NALF1: variants seen among roughly 807,000 people sequenced by gnomAD.
NALF1 encodes NALCN channel auxiliary factor 1, also known as family with sequence similarity 155 member A.
A neutral mutation model predicts 48.4 loss-of-function variants in NALF1; 3 were observed. The ratio of observed to expected loss-of-function variants is 0.06; its 90% CI spans 0.03 to 0.16. The LOEUF is 0.16. NALF1 is among the 10% of genes least tolerant of loss of function. The pLI, the probability that NALF1 is intolerant of heterozygous loss-of-function variation, is 1.00. For synonymous variants in NALF1, 262 were observed against 245.7 expected (o/e 1.07, Z -0.62); for missense variants, 526 against 571.5 (o/e 0.92, Z 0.81).
chr13:107,518,034 T>C (rs556742219), intron 1 of NALF1, among the ~76,000 whole-genome samples: 3 of 152,106 alleles, frequency 2.0e-5, no homozygotes, highest in African/African-American at 7.2e-5. Context: ...AAACAACCCA[T>C]GAGTCCTGCA....
intron 1 of NALF1, among the ~76,000 whole-genome samples, chr13:107,410,952 T>G (rs550605178): frequency 6.6e-6 from 1 of 152,274 alleles, no homozygotes; most frequent in Admixed American, 6.5e-5. Flanking sequence ...TTTTCAATAA[T>G]AGTAAGATTG....
intron 1 of NALF1, among the ~76,000 whole-genome samples, chr13:107,289,794 AGAT>A (rs1375189664): frequency 6.6e-6 from 1 of 152,216 alleles, no homozygotes; most frequent in African/African-American, 2.4e-5. Flanking sequence ...CTTGGAATAT[AGAT>A]GTTTCAATGA....
At chr13:107,830,073 C>A (rs1879668069) in intron 1 of NALF1, among the ~76,000 whole-genome samples, 1 of 152,160 alleles carries the variant, frequency 6.6e-6, no homozygotes, top group Non-Finnish European at 1.5e-5. Flanking sequence ...GGAACCCTCA[C>A]CAAATAAGTA....
chr13:107,822,224 G>A (rs977112987), intron 1 of NALF1, among the ~76,000 whole-genome samples: 1 of 152,010 alleles, frequency 6.6e-6, no homozygotes, highest in Non-Finnish European at 1.5e-5. Flanking sequence ...AGCCCAGTTT[G>A]ACTTCCATTC....
chr13:107,334,878 G>C (rs1009210333), intron 1 of NALF1, among the ~76,000 whole-genome samples: 68 of 152,140 alleles, frequency 4.5e-4, no homozygotes, highest in African/African-American at 1.4e-3. Flanking sequence ...GTCTTGCTGG[G>C]TGAAATGAAA....
intron 1 of NALF1, among the ~76,000 whole-genome samples, chr13:107,734,470 T>C (rs1876408810): frequency 1.3e-5 from 2 of 149,944 alleles, no homozygotes; most frequent in Admixed American, 6.6e-5. Context: ...AGATGCAGAG[T>C]CATGAAAATA....
At chr13:107,644,638 C>CATATATATATAT (rs1170442694) in intron 1 of NALF1, among the ~76,000 whole-genome samples, 9 of 43,382 alleles carry the variant, frequency 2.1e-4, no homozygotes, top group South Asian at 9.1e-4. Flanking sequence ...TACATACATA[C>CATATATATATAT]ATACATACAT....
At chr13:107,518,504 T>C (rs1203546763) in intron 1 of NALF1, among the ~76,000 whole-genome samples, 2 of 152,148 alleles carry the variant, frequency 1.3e-5, no homozygotes, top group African/African-American at 4.8e-5. Context: ...CACGTGTGCA[T>C]TTGTCCACCT....
chr13:107,778,721 A>G (rs1484741944), intron 1 of NALF1, among the ~76,000 whole-genome samples: 2 of 152,104 alleles, frequency 1.3e-5, no homozygotes, highest in African/African-American at 4.8e-5. Context: ...GTCTCTCCCT[A>G]TTCAAAGGCC....
rs1266698733 is a variant in NALF1, at chr13:107,736,205, ACACACACACACACACACACGCG to A, written c.915+129455_915+129476del. Among the ~76,000 whole-genome samples, 30 of 5,502 alleles carry A rather than the reference ACACACACACACACACACACGCG, an allele frequency of 5.5e-3. No individual in the cohort carries two copies. The Non-Finnish European group carries it at 0.058, about 11-fold the overall frequency. 3.6% of individuals were successfully genotyped at this position (5,502 alleles called of 152,430 possible). On this transcript the variant is annotated intron_variant, in intron 1 of 2. Transcript: ENST00000375915. The stretch of plus-strand genomic sequence containing the variant: ...TACACACACACACATACACACACAC[ACACACACACACACACACACGCG>A]CGCGTGTACCTAATAAGCTGTATCT...
intron 1 of NALF1, among the ~76,000 whole-genome samples, chr13:107,608,879 C>T (rs1445762021): frequency 6.6e-6 from 1 of 152,162 alleles, no homozygotes; most frequent in African/African-American, 2.4e-5. Context: ...GTTAAGCTAA[C>T]GATGCTGCCG....
At chr13:107,341,043 C>G (rs550788036) in intron 1 of NALF1, among the ~76,000 whole-genome samples, 1 of 152,018 alleles carries the variant, frequency 6.6e-6, no homozygotes, top group Non-Finnish European at 1.5e-5. Flanking sequence ...TATCACCCCC[C>G]ACCGCCCCCG....
At chr13:107,668,305 T>G (rs1880909822) in intron 1 of NALF1, among the ~76,000 whole-genome samples, 1 of 152,082 alleles carries the variant, frequency 6.6e-6, no homozygotes, top group Admixed American at 6.6e-5. Flanking sequence ...CTTCTGAGGT[T>G]TGGAAAGTCC....
At chr13:107,766,495 A>G (rs1043973616) in intron 1 of NALF1, among the ~76,000 whole-genome samples, 6 of 152,174 alleles carry the variant, frequency 3.9e-5, no homozygotes, top group Non-Finnish European at 7.3e-5. Context: ...GTTCATAATA[A>G]TGGTGATGGG....
At chr13:107,573,665 C>T (rs1878052854) in intron 1 of NALF1, among the ~76,000 whole-genome samples, 1 of 150,516 alleles carries the variant, frequency 6.6e-6, no homozygotes, top group South Asian at 2.1e-4. Context: ...TTGTAGCTCC[C>T]ACGATTCCCA....
At chr13:107,403,188 C>CTTTTTTTTTTTTTTTTTTTTT (rs10710356) in intron 1 of NALF1, among the ~76,000 whole-genome samples, 2 of 42,488 alleles carry the variant, frequency 4.7e-5, no homozygotes, top group Non-Finnish European at 8.3e-5. Flanking sequence ...CTTGTTCGGG[C>CTTTTTTTTTTTTTTTTTTTTT]TTTTTTTTTT....
chr13:107,631,733 C>T (rs984286228), intron 1 of NALF1, among the ~76,000 whole-genome samples: 9 of 152,082 alleles, frequency 5.9e-5, no homozygotes, highest in African/African-American at 2.2e-4. Context: ...TATGATAAGC[C>T]TCTACATATG....
At chr13:107,620,805 T>C (rs1879499175) in intron 1 of NALF1, among the ~76,000 whole-genome samples, 1 of 152,214 alleles carries the variant, frequency 6.6e-6, no homozygotes, top group African/African-American at 2.4e-5. Context: ...AGTCTGGAAT[T>C]GTCTGTGCAG....
In NALF1 at chr13:107,258,075, T is replaced by C. The variant is rs764955763; in HGVS notation, c.916-47320A>G. ...GAATGGGAGTAGCTTTGGGAGAAGATAATTTGCTTCACATAGAATATACTT... is the reference window on the plus strand; with the variant it reads ...GAATGGGAGTAGCTTTGGGAGAAGACAATTTGCTTCACATAGAATATACTT... On this transcript the variant is annotated intron_variant, in intron 1 of 2. Coordinates refer to ENST00000375915, the MANE Select transcript of NALF1 (RefSeq NM_001080396.3). Among the ~76,000 whole-genome samples the C allele has an allele frequency of 1.9e-4, 29 of 152,310 alleles. No individual in the cohort carries two copies. In the South Asian group the frequency reaches 2.5e-3, roughly 13 times the overall value.
Sources: gnomAD v4.1 joint callset for allele counts (sites outside exome capture counted in the v4.1 genomes callset) on GRCh38, gnomAD v4.1.1 for gene constraint, MANE v1.5 for transcripts, NCBI Gene and HGNC (gene_info 2026-07-23, HGNC 2026-07-21) for gene names.